The following CSMD1 variants were observed in gnomAD, a reference collection of about 807,000 sequenced individuals.
CSMD1 encodes the protein CUB and sushi domain-containing protein 1.
A neutral mutation model predicts 417.5 loss-of-function variants in CSMD1; 213 were observed. That is an observed-to-expected ratio of 0.51 (90% CI 0.46 to 0.57). The LOEUF is 0.57. CSMD1 is among the 20% of genes least tolerant of loss of function. The pLI is 0.00. For missense variants in CSMD1, 6,923 were observed against 4,529.7 expected (o/e 1.53, Z -15.17); for synonymous variants, 2,862 against 1,736.8 (o/e 1.65, Z -16.11).
chr8:3,837,363 G>T (rs1585068786), intron 5 of CSMD1, among the ~76,000 whole-genome samples: 1 of 152,080 alleles, frequency 6.6e-6, no homozygotes, highest in South Asian at 2.1e-4. Context: ...GCTATATTAA[G>T]CCACTAAATG....
chr8:3,517,856 T>A (rs921463694), intron 10 of CSMD1, among the ~76,000 whole-genome samples: 1 of 152,164 alleles, frequency 6.6e-6, no homozygotes, highest in Non-Finnish European at 1.5e-5. Context: ...AATCCTCAAC[T>A]GCAGGCTTAC....
chr8:3,609,080 G>C (rs1801762331), intron 8 of CSMD1, among the ~76,000 whole-genome samples: 2 of 152,242 alleles, frequency 1.3e-5, no homozygotes, highest in African/African-American at 2.4e-5. Context: ...AAACTACCAA[G>C]GTCAATAGAA....
At chr8:3,555,872 T>A (rs969556684) in intron 10 of CSMD1, among the ~76,000 whole-genome samples, 11 of 152,158 alleles carry the variant, frequency 7.2e-5, no homozygotes, top group African/African-American at 2.4e-4. Flanking sequence ...AGCATTTTAA[T>A]AATACTGTTT....
intron 8 of CSMD1, among the ~76,000 whole-genome samples, chr8:3,608,920 T>G (rs1801754335): frequency 6.6e-6 from 1 of 152,172 alleles, no homozygotes; most frequent in African/African-American, 2.4e-5. Flanking sequence ...CATGCTAAGC[T>G]GCAGGGCTTG....
At chr8:4,658,403 A>T (rs1804376475) in intron 1 of CSMD1, among the ~76,000 whole-genome samples, 1 of 152,146 alleles carries the variant, frequency 6.6e-6, no homozygotes. Context: ...GCACCTGCAA[A>T]TTTCTCATTA....
chr8:3,666,269 ATCTTT>A (rs1798690062), intron 7 of CSMD1, among the ~76,000 whole-genome samples: 1 of 107,890 alleles, frequency 9.3e-6, no homozygotes, highest in Admixed American at 8.9e-5. Flanking sequence ...CACAGGTCTT[ATCTTT>A]TCTTTAGTCT....
At chr8:4,791,947 T>G (rs1390618787) in intron 1 of CSMD1, among the ~76,000 whole-genome samples, 1 of 151,330 alleles carries the variant, frequency 6.6e-6, no homozygotes, top group Non-Finnish European at 1.5e-5. Context: ...TAGTTTTCCT[T>G]TTTTTTTAAA....
chr8:3,911,441 T>G (rs990483144), intron 5 of CSMD1, among the ~76,000 whole-genome samples: 1 of 150,464 alleles, frequency 6.6e-6, no homozygotes, highest in Non-Finnish European at 1.5e-5. Context: ...GGCAGGAGAA[T>G]GGCGTGAACC....
At chr8:4,359,114 G>A (rs989635559) in intron 3 of CSMD1, among the ~76,000 whole-genome samples, 2 of 152,042 alleles carry the variant, frequency 1.3e-5, no homozygotes, top group Admixed American at 1.3e-4. Flanking sequence ...GGAATACTAG[G>A]GTAGAAATTT....
chr8:4,127,949 T>C (rs909990035), intron 3 of CSMD1, among the ~76,000 whole-genome samples: 2 of 152,192 alleles, frequency 1.3e-5, no homozygotes, highest in African/African-American at 4.8e-5. Context: ...CTATTCTGTC[T>C]TGCAAAGCCT....
intron 1 of CSMD1, among the ~76,000 whole-genome samples, chr8:4,967,405 T>G (rs1035578569): frequency 6.6e-6 from 1 of 152,120 alleles, no homozygotes; most frequent in Non-Finnish European, 1.5e-5. Flanking sequence ...ATAATACATA[T>G]TGATAAATAA....
At chr8:3,524,497 A>G (rs888370531) in intron 10 of CSMD1, among the ~76,000 whole-genome samples, 2 of 143,878 alleles carry the variant, frequency 1.4e-5, no homozygotes, top group Non-Finnish European at 3.0e-5. Flanking sequence ...ACACAAGTAC[A>G]CACATGCACA....
chr8:3,610,449 C>T (rs1271971259), intron 8 of CSMD1, among the ~76,000 whole-genome samples: 1 of 95,214 alleles, frequency 1.1e-5, no homozygotes, highest in Non-Finnish European at 2.5e-5. Context: ...GTGGGACGAT[C>T]ATTTGAGCCC....
chr8:3,052,625 T>A lies in CSMD1; in HGVS notation c.7497A>T (p.Glu2499Asp). Residue 2499 changes from glutamate (E) to aspartate (D), a missense_variant, in exon 50 of 70, where the codon GAA becomes GAT. Glu to Asp is a conservative substitution (Grantham distance 45). Coordinates refer to ENST00000635120, the MANE Select transcript of CSMD1 (RefSeq NM_033225.6). ...LCQAVSCGIP[E>D]SPGNGSFTGN... Reference sequence around the variant, plus strand: ...CGGTAAATGAACCGTTTCCTGGGGATTCTGGGATTCCACAGGACACAGCTG... The same window carrying A: ...CGGTAAATGAACCGTTTCCTGGGGAATCTGGGATTCCACAGGACACAGCTG... The A allele has an allele frequency of 6.2e-7, 1 of 1,610,624 alleles. No individual in the cohort carries two copies. The highest frequency in any genetic ancestry group is 8.5e-7 in the Non-Finnish European group (1 of 1,178,452).
intron 1 of CSMD1, among the ~76,000 whole-genome samples, chr8:4,770,046 C>T (rs575331415): frequency 2.0e-5 from 3 of 151,890 alleles, no homozygotes; most frequent in African/African-American, 7.3e-5. Flanking sequence ...TTCTCCCATT[C>T]AGGAAATAAA....
chr8:3,345,628 C>T (rs550741224), intron 22 of CSMD1, among the ~76,000 whole-genome samples: 1 of 152,150 alleles, frequency 6.6e-6, no homozygotes, highest in Non-Finnish European at 1.5e-5. Flanking sequence ...TCAAAGGGTT[C>T]TTTTCAGTTA....
At chr8:3,492,966 T>A (rs926143763) in intron 11 of CSMD1, among the ~76,000 whole-genome samples, 4 of 151,988 alleles carry the variant, frequency 2.6e-5, no homozygotes, top group Non-Finnish European at 5.9e-5. Context: ...CCTGATAATA[T>A]AACATCACAG....
intron 1 of CSMD1, among the ~76,000 whole-genome samples, chr8:4,896,442 G>C (rs957297057): frequency 6.6e-6 from 1 of 152,002 alleles, no homozygotes; most frequent in Non-Finnish European, 1.5e-5. Flanking sequence ...TTGTTATGGA[G>C]CATCTACCAG....
chr8:3,577,638 G>C (rs1467919221), intron 9 of CSMD1, among the ~76,000 whole-genome samples: 1 of 152,082 alleles, frequency 6.6e-6, no homozygotes, highest in Non-Finnish European at 1.5e-5. Flanking sequence ...CTTCTGAATA[G>C]GTGTAACAGC....
Sources: gnomAD v4.1 joint callset for allele counts (sites outside exome capture counted in the v4.1 genomes callset) on GRCh38, gnomAD v4.1.1 for gene constraint, MANE v1.5 for transcripts, NCBI Gene and HGNC (gene_info 2026-07-23, HGNC 2026-07-21) for gene names.